Variants in ITGB1 observed in about 807,000 individuals in gnomAD.
ITGB1 encodes integrin subunit beta 1.
A neutral mutation model predicts 86.5 loss-of-function variants in ITGB1; 24 were observed. The observed-to-expected ratio is 0.28, with a 90% CI of 0.20 to 0.39. The LOEUF (loss-of-function observed/expected upper bound fraction) is 0.39. ITGB1 is among the 10% of genes least tolerant of loss of function. The probability of loss-of-function intolerance (pLI) is 1.00; values close to 1 mark genes in which losing one functional copy is unlikely to be tolerated. For synonymous variants in ITGB1, 323 were observed against 316.8 expected (o/e 1.02, Z -0.21); for missense variants, 556 against 946.9 (o/e 0.59, Z 5.42).
chr10:32,956,157 T>A (rs1009010630), intron 1 of ITGB1, among the ~76,000 whole-genome samples: 1 of 152,224 alleles, frequency 6.6e-6, no homozygotes, highest in African/African-American at 2.4e-5. Context: ...CAGTCACTTA[T>A]ATAATATTGA....
intron 11 of ITGB1, among the ~76,000 whole-genome samples, chr10:32,914,837 T>G (rs1485959708): frequency 6.6e-6 from 1 of 151,834 alleles, no homozygotes; most frequent in East Asian, 1.9e-4. Flanking sequence ...TACAGAACTC[T>G]CCATCCCAAA....
chr10:32,917,273 T>C (rs1384691855), intron 11 of ITGB1, among the ~76,000 whole-genome samples: 2 of 152,330 alleles, frequency 1.3e-5, no homozygotes, highest in Admixed American at 6.5e-5. Flanking sequence ...ATTCAGGACA[T>C]AGGCATAGGC....
At chr10:32,908,276 T>TA in intron 15 of ITGB1, 92 bp downstream of exon 15, 1 of 1,236,456 alleles carries the variant, frequency 8.1e-7, no homozygotes, top group African/African-American at 1.5e-5. Flanking sequence ...AGAAAGGACT[T>TA]TAATAATCAG....
chr10:32,924,173 T>A (rs143024924), intron 6 of ITGB1, among the ~76,000 whole-genome samples: 1 of 152,290 alleles, frequency 6.6e-6, no homozygotes, highest in African/African-American at 2.4e-5. Context: ...TCCACCCATC[T>A]CTGCTCTATG....
At chr10:32,933,624 T>A (rs1224193658) in intron 2 of ITGB1, 1 of 152,178 alleles carries the variant, frequency 6.6e-6, no homozygotes, top group Non-Finnish European at 1.5e-5. Context: ...ACTCACTGAA[T>A]CTGTTAACTG....
intron 8 of ITGB1, 53 bp from the exon 9 acceptor site, chr10:32,922,399 T>G: frequency 7.9e-7 from 1 of 1,258,306 alleles, no homozygotes; most frequent in South Asian, 1.2e-5. Context: ...ATTCAACCAA[T>G]TAGGATCCAC....
intron 6 of ITGB1, among the ~76,000 whole-genome samples, chr10:32,924,236 T>A (rs1214925356): frequency 6.6e-6 from 1 of 152,228 alleles, no homozygotes; most frequent in Non-Finnish European, 1.5e-5. Flanking sequence ...TTCCTTTTTT[T>A]ATAACAGAAA....
At chr10:32,950,290 CAT>C (rs951165958) in intron 1 of ITGB1, among the ~76,000 whole-genome samples, 34 of 152,212 alleles carry the variant, frequency 2.2e-4, no homozygotes, top group Middle Eastern at 3.4e-3. Flanking sequence ...ACTTATCCCA[CAT>C]AGAGAGTAAT....
At chr10:32,919,223 G>T (rs957175933) in intron 11 of ITGB1, among the ~76,000 whole-genome samples, 2 of 152,070 alleles carry the variant, frequency 1.3e-5, no homozygotes, top group African/African-American at 4.8e-5. Flanking sequence ...GCTGACACTG[G>T]ATTAAACACT....
At chr10:32,957,823 A>C (rs996909496) in intron 1 of ITGB1, 3 of 152,124 alleles carry the variant, frequency 2.0e-5, no homozygotes, top group Admixed American at 2.0e-4. Flanking sequence ...GGTCCCCCGC[A>C]GCTCCGGCAG....
chr10:32,913,522 G>A (rs2094920755), intron 11 of ITGB1, among the ~76,000 whole-genome samples: 1 of 152,160 alleles, frequency 6.6e-6, no homozygotes, highest in African/African-American at 2.4e-5. Context: ...TGTGATGCAT[G>A]CACAAGCTTC....
In ITGB1 at chr10:32,911,963, G is replaced by A. The variant is rs746833541; in HGVS notation, c.1631C>T (p.Thr544Ile). ...GAATTTGCCAGAATAAATTTCATTT[G>A]TATTATCCCTCTTCCTACAAACACA... ...GQCVCRKRDN[T>I]NEIYSGKFCE... The change falls in exon 12 of 16, where the codon ACA becomes ATA. Residue 544 changes from threonine to isoleucine, a missense_variant. Thr to Ile is a moderately conservative substitution (Grantham distance 89). This residue lies in a region of ITGB1 where 330 missense variants were observed against 531.5 expected (regional missense o/e 0.62). Transcript: ENST00000302278. 2 of 1,613,968 alleles carry A rather than the reference G, an allele frequency of 1.2e-6. No individual in the cohort carries two copies. Among genetic ancestry groups the A allele is most frequent in the African/African-American group, 1.3e-5 (1 of 74,892 alleles).
At chr10:32,942,853 G>C (rs780538749) in intron 1 of ITGB1, among the ~76,000 whole-genome samples, 1 of 151,856 alleles carries the variant, frequency 6.6e-6, no homozygotes, top group Non-Finnish European at 1.5e-5. Context: ...CCCACCTAGA[G>C]ATCCTGGCTC....
chr10:32,919,551 T>C (rs2094942206), intron 11 of ITGB1, among the ~76,000 whole-genome samples: 1 of 152,200 alleles, frequency 6.6e-6, no homozygotes, highest in African/African-American at 2.4e-5. Flanking sequence ...CATTTTCCTA[T>C]AAACGTTATT....
intron 2 of ITGB1, 47 bp downstream of exon 2, chr10:32,935,445 C>G (rs748096511): frequency 1.7e-6 from 2 of 1,207,176 alleles, no homozygotes; most frequent in Admixed American, 1.7e-5. Flanking sequence ...AAGCGCAATA[C>G]AAGATACGGA....
intron 15 of ITGB1, among the ~76,000 whole-genome samples, chr10:32,902,395 T>C (rs1052701159): frequency 3.3e-5 from 5 of 152,180 alleles, no homozygotes; most frequent in Non-Finnish European, 5.9e-5. Context: ...GAAAAAAACA[T>C]ATCACTGTAT....
At chr10:32,944,766 G>A (rs761083400) in intron 1 of ITGB1, 34 of 723,538 alleles carry the variant, frequency 4.7e-5, no homozygotes, top group South Asian at 2.4e-4. Flanking sequence ...CTTACTGCTC[G>A]CTAGATTCAT....
At chr10:32,946,035 GT>G (rs1473100185) in intron 1 of ITGB1, among the ~76,000 whole-genome samples, 2 of 152,182 alleles carry the variant, frequency 1.3e-5, no homozygotes, top group African/African-American at 4.8e-5. Flanking sequence ...AAGCACCAAA[GT>G]TGAATGAATT....
At chr10:32,957,554 C>T (rs1399605931) in intron 1 of ITGB1, among the ~76,000 whole-genome samples, 1 of 152,144 alleles carries the variant, frequency 6.6e-6, no homozygotes, top group Non-Finnish European at 1.5e-5. Flanking sequence ...TACCCGGCTC[C>T]CGCCGCCCCC....
Sources: gnomAD v4.1 joint callset for allele counts (sites outside exome capture counted in the v4.1 genomes callset) on GRCh38, gnomAD v4.1.1 for gene constraint, gnomAD v4.1.1 regional missense constraint, MANE v1.5 for transcripts, NCBI Gene and HGNC (gene_info 2026-07-23, HGNC 2026-07-21) for gene names.